FRAS1: variants seen among roughly 807,000 people sequenced by gnomAD.
The protein encoded by FRAS1 is Fraser extracellular matrix complex subunit 1.
In FRAS1, 290 loss-of-function variants were observed where a neutral mutation model predicts 435.2. The observed-to-expected ratio is 0.67, with a 90% CI of 0.61 to 0.73. The LOEUF is 0.73. Ranked by LOEUF, FRAS1 falls within the 30% of genes least tolerant of loss-of-function variation. The probability of loss-of-function intolerance (pLI) is 0.00; values close to 1 mark genes in which losing one functional copy is unlikely to be tolerated. For synonymous variants in FRAS1, 1,800 were observed against 1,851.0 expected (o/e 0.97, Z 0.71); for missense variants, 4,860 against 5,001.5 (o/e 0.97, Z 0.85).
chr4:78,313,146 A>T (rs1729100663), intron 15 of FRAS1, among the ~76,000 whole-genome samples: 1 of 152,176 alleles, frequency 6.6e-6, no homozygotes, highest in Non-Finnish European at 1.5e-5. Flanking sequence ...TTCTGTTGAG[A>T]TGTCAGTTCT....
intron 14 of FRAS1, among the ~76,000 whole-genome samples, chr4:78,306,840 T>C (rs7693120): frequency 0.28 from 42,182 of 152,080 alleles, 6,592 homozygotes; most frequent in Admixed American, 0.35. Context: ...GTAATTTGAT[T>C]GTCTGAAGCC....
intron 2 of FRAS1, among the ~76,000 whole-genome samples, chr4:78,134,982 G>A (rs1023973049): frequency 4.6e-5 from 7 of 151,904 alleles, no homozygotes; most frequent in African/African-American, 1.5e-4. Flanking sequence ...TTTAAAATCC[G>A]AATCCTGACA....
At chr4:78,086,490 G>T (rs189770506) in intron 2 of FRAS1, among the ~76,000 whole-genome samples, 1 of 152,262 alleles carries the variant, frequency 6.6e-6, no homozygotes, top group Admixed American at 6.5e-5. Context: ...TCCAGGAGCT[G>T]ATTTTTTGAA....
intron 52 of FRAS1, 62 bp from the exon 53 acceptor site, chr4:78,473,376 G>A (rs968026348): frequency 7.3e-7 from 1 of 1,360,838 alleles, no homozygotes; most frequent in Non-Finnish European, 1.0e-6. Flanking sequence ...TGTTGGTGTG[G>A]TAATCTATGA....
chr4:78,440,369 C>T (rs1207301721), intron 40 of FRAS1, among the ~76,000 whole-genome samples: 1 of 152,166 alleles, frequency 6.6e-6, no homozygotes, highest in African/African-American at 2.4e-5. Context: ...ATATTCCTCC[C>T]ATTTTTCCAT....
intron 2 of FRAS1, among the ~76,000 whole-genome samples, chr4:78,105,996 T>G (rs1742406802): frequency 7.5e-6 from 1 of 134,088 alleles, no homozygotes; most frequent in African/African-American, 2.9e-5. Context: ...CGGATGCACC[T>G]GGAAAATCGG....
intron 26 of FRAS1, among the ~76,000 whole-genome samples, chr4:78,378,343 T>C (rs1170454931): frequency 2.0e-5 from 3 of 152,188 alleles, no homozygotes; most frequent in Non-Finnish European, 4.4e-5. Flanking sequence ...GACTTTTGAG[T>C]TGATTTCACT....
chr4:78,092,950 C>A (rs530449148), intron 2 of FRAS1, among the ~76,000 whole-genome samples: 2 of 152,262 alleles, frequency 1.3e-5, no homozygotes, highest in Non-Finnish European at 2.9e-5. Context: ...CAGAAAGATA[C>A]TTTATTATGA....
In FRAS1 at chr4:78,445,424, C is replaced by CT. The variant is rs371903008; in HGVS notation, c.5666-89dup. 3.3e-3 allele frequency: 4,503 copies of CT among 1,361,978 alleles called. 42 individuals carry two copies. In the African/African-American group the frequency reaches 0.044, roughly 13 times the overall value. 84.4% of individuals were successfully genotyped at this position (1,361,978 alleles called of 1,614,324 possible). A position where few individuals can be genotyped will look rare whatever the true frequency, so the allele number is the denominator to read the frequency against. On this transcript the variant is annotated intron_variant, in intron 41 of 73. Transcript: ENST00000512123. ...CCAACTTTATCCTCAAATACATTTT[C>CT]TTTTTTTTTGCCGAAAATGATACCT...
rs780594900 is a variant in FRAS1 at position 78,489,004 on chromosome 4, C to T, written c.8882C>T (p.Ser2961Phe). 1.4e-5 allele frequency: 22 copies of T among 1,613,564 alleles called. No individual in the cohort carries two copies. The highest frequency in any genetic ancestry group is 1.8e-5 in the Non-Finnish European group (21 of 1,179,750). ...SSVRCYTQSHSAQVMEDFEER... is the reference protein window; with the variant it reads ...SSVRCYTQSHFAQVMEDFEER... ...GTGAGGTGCTATACTCAGAGCCATTCCGCTCAGGTCATGGAGGACTTTGAG... is the reference window on the plus strand; with the variant it reads ...GTGAGGTGCTATACTCAGAGCCATTTCGCTCAGGTCATGGAGGACTTTGAG... The change falls in exon 59 of 74, where the codon TCC becomes TTC. Residue 2961 changes from serine (S) to phenylalanine (F), a missense_variant. Transcript: ENST00000512123.
chr4:78,317,342 G>T (rs17457087), intron 16 of FRAS1, 26 bp from the exon 17 acceptor site: 21 of 1,613,052 alleles, frequency 1.3e-5, no homozygotes, highest in Non-Finnish European at 1.6e-5. Flanking sequence ...GTCCCATGGC[G>T]TTCTCCCTCT....
chr4:78,191,534 C>CT (rs35774956), intron 2 of FRAS1, among the ~76,000 whole-genome samples: 3 of 142,820 alleles, frequency 2.1e-5, no homozygotes, highest in African/African-American at 7.7e-5. Flanking sequence ...GTATTATTTT[C>CT]TTTTTTTTTT....
intron 2 of FRAS1, among the ~76,000 whole-genome samples, chr4:78,163,587 C>A (rs1721223936): frequency 6.6e-6 from 1 of 152,142 alleles, no homozygotes; most frequent in Non-Finnish European, 1.5e-5. Context: ...CTGCCCTACC[C>A]CACAAAGAAA....
At chr4:78,316,402 C>A (rs1729255294) in intron 16 of FRAS1, among the ~76,000 whole-genome samples, 1 of 152,186 alleles carries the variant, frequency 6.6e-6, no homozygotes, top group Non-Finnish European at 1.5e-5. Flanking sequence ...TCTGTTAGTG[C>A]AGGGTGTTTA....
chr4:78,435,528 C>G (rs2109818977), intron 38 of FRAS1, among the ~76,000 whole-genome samples: 1 of 152,074 alleles, frequency 6.6e-6, no homozygotes, highest in East Asian at 1.9e-4. Flanking sequence ...CATTTGAGGT[C>G]AGGAGTTTGA....
intron 7 of FRAS1, 121 bp downstream of exon 7, chr4:78,265,229 C>G: frequency 1.6e-6 from 1 of 608,394 alleles, no homozygotes; most frequent in Non-Finnish European, 2.9e-6. Context: ...AATAGTAACT[C>G]AGTACATAAA....
At chr4:78,272,043 A>G (rs988134549) in intron 9 of FRAS1, among the ~76,000 whole-genome samples, 13 of 152,110 alleles carry the variant, frequency 8.5e-5, no homozygotes, top group Non-Finnish European at 1.9e-4. Flanking sequence ...TGTGGTTTTG[A>G]TTTGCATTTC....
chr4:78,523,093 A>C (rs1721437387), intron 69 of FRAS1, among the ~76,000 whole-genome samples: 1 of 152,116 alleles, frequency 6.6e-6, no homozygotes, highest in Non-Finnish European at 1.5e-5. Context: ...CTCTTAAAAA[A>C]TAATAATAAT....
chr4:78,128,608 T>C (rs1270399996), intron 2 of FRAS1, among the ~76,000 whole-genome samples: 1 of 152,200 alleles, frequency 6.6e-6, no homozygotes, highest in Non-Finnish European at 1.5e-5. Flanking sequence ...GTTGTTTGTT[T>C]TTTTCTTGTA....
Sources: allele counts gnomAD v4.1 joint callset (sites outside exome capture counted in the v4.1 genomes callset), GRCh38; gene constraint gnomAD v4.1.1; transcripts MANE v1.5; gene names NCBI Gene and HGNC (gene_info 2026-07-23, HGNC 2026-07-21).